ARMH4: variants seen among roughly 807,000 people sequenced by gnomAD.
The protein encoded by ARMH4 is armadillo-like helical domain-containing protein 4.
ARMH4 carries 49 observed loss-of-function variants against 61.9 expected under a neutral mutation model. That is an observed-to-expected ratio of 0.79 (90% CI 0.63 to 1.00). The LOEUF is 1.00. ARMH4 is among the 50% of genes least tolerant of loss of function. The pLI is 0.00. For synonymous variants in ARMH4, 368 were observed against 341.5 expected, an observed-to-expected ratio of 1.08 and a Z score of -0.85; for missense variants, 934 against 930.0, an observed-to-expected ratio of 1.00 and a Z score of -0.06.
At chr14:58,134,582 T>G (rs1384732486) in intron 2 of ARMH4, among the ~76,000 whole-genome samples, 1 of 152,182 alleles carries the variant, frequency 6.6e-6, no homozygotes, top group Non-Finnish European at 1.5e-5. Flanking sequence ...TTCTAGATAC[T>G]AAGTATTTTA....
intron 2 of ARMH4, among the ~76,000 whole-genome samples, chr14:58,134,289 T>G (rs576476645): frequency 1.3e-5 from 2 of 152,206 alleles, no homozygotes; most frequent in Admixed American, 1.3e-4. Flanking sequence ...TGCTTTCAGA[T>G]CAGAAAAGGA....
At chr14:58,132,660 C>CCTG (rs1887153002) in intron 3 of ARMH4, among the ~76,000 whole-genome samples, 1 of 146,580 alleles carries the variant, frequency 6.8e-6, no homozygotes, top group Non-Finnish European at 1.5e-5. Context: ...ATCTCCGCTC[C>CCTG]CTGCAAGCTC....
At chr14:58,008,394 C>T (rs974433402) in intron 6 of ARMH4, among the ~76,000 whole-genome samples, 16 of 152,184 alleles carry the variant, frequency 1.1e-4, no homozygotes, top group African/African-American at 3.6e-4. Context: ...AAATTATTTC[C>T]AAATAAAGTT....
In ARMH4 at chr14:58,138,210, C is replaced by T. The variant is rs781168585; in HGVS notation, c.1149G>A (p.Ala383=). The change falls in exon 2 of 8, where the codon GCG becomes GCA. Residue 383 remains alanine, a synonymous_variant. Coordinates refer to ENST00000267485, the MANE Select transcript of ARMH4 (RefSeq NM_001001872.4). ...AAGCAGGTGATCTCTCATTCCCATGCGCTATTAGCAGGGCTGTGCCCGTGT... is the reference window on the plus strand; with the variant it reads ...AAGCAGGTGATCTCTCATTCCCATGTGCTATTAGCAGGGCTGTGCCCGTGT... ...ETHTGTALLI[A]HGNERSPAFT... 23 of 1,614,046 alleles carry T rather than the reference C, an allele frequency of 1.4e-5. No individual in the cohort carries two copies. Among genetic ancestry groups the T allele is most frequent in the Admixed American group, 1.3e-4 (8 of 59,998 alleles).
intron 5 of ARMH4, among the ~76,000 whole-genome samples, chr14:58,069,921 AAC>A (rs1884828574): frequency 6.6e-6 from 1 of 152,198 alleles, no homozygotes; most frequent in African/African-American, 2.4e-5. Context: ...GATATCTCTG[AAC>A]ACAGTGTGGA....
At chr14:58,014,790 C>G (rs1882543307) in intron 5 of ARMH4, among the ~76,000 whole-genome samples, 1 of 152,236 alleles carries the variant, frequency 6.6e-6, no homozygotes, top group Admixed American at 6.5e-5. Flanking sequence ...TGACAAGCAG[C>G]AATGTAGGGA....
intron 1 of ARMH4, among the ~76,000 whole-genome samples, chr14:58,146,006 C>A (rs1318631046): frequency 6.6e-6 from 1 of 152,244 alleles, no homozygotes; most frequent in African/African-American, 2.4e-5. Context: ...ATGGGAGTTA[C>A]ATGATGCTCA....
At position 58,079,306 on chromosome 14, in the gene ARMH4, G is replaced by A. The variant is rs145497103; in HGVS notation, c.2089+17418C>T. ...GTACACAAGCATGGTACTCGCATCT[G>A]GCAAGAGCCTTCATGCTGCATCATC... On this transcript the variant is annotated intron_variant, in intron 5 of 7. Transcript: ENST00000267485. 1.2e-4 allele frequency among the ~76,000 whole-genome samples: 19 copies of A among 152,304 alleles called. No homozygotes were observed. The East Asian group carries it at 3.7e-3, about 29-fold the overall frequency.
chr14:58,061,734 G>A (rs140367137), intron 5 of ARMH4, among the ~76,000 whole-genome samples: 3 of 152,244 alleles, frequency 2.0e-5, no homozygotes, highest in Non-Finnish European at 4.4e-5. Flanking sequence ...GTCGTGTCAG[G>A]GAAAAGGGAG....
At chr14:58,140,391 G>C (rs1887493972) in intron 1 of ARMH4, among the ~76,000 whole-genome samples, 1 of 151,872 alleles carries the variant, frequency 6.6e-6, no homozygotes, top group Non-Finnish European at 1.5e-5. Context: ...GACAAGCCTG[G>C]CCAACATGGT....
intron 2 of ARMH4, 96 bp downstream of exon 2, chr14:58,137,894 C>G: frequency 7.9e-7 from 1 of 1,260,844 alleles, no homozygotes; most frequent in South Asian, 1.6e-5. Context: ...GCCTGCTTTT[C>G]ATTAAAACTT....
intron 4 of ARMH4, among the ~76,000 whole-genome samples, chr14:58,124,329 C>A (rs182792770): frequency 6.6e-6 from 1 of 152,316 alleles, no homozygotes; most frequent in East Asian, 1.9e-4. Flanking sequence ...GGAGTCCTTA[C>A]ACAGATCCAA....
intron 4 of ARMH4, among the ~76,000 whole-genome samples, chr14:58,121,113 A>G (rs1035936399): frequency 2.6e-5 from 4 of 152,202 alleles, no homozygotes; most frequent in African/African-American, 9.6e-5. Context: ...TGTTTTGTAG[A>G]TATCTATCTT....
chr14:58,139,229 T>C lies in ARMH4; in HGVS notation c.130A>G (p.Lys44Glu). The C allele has an allele frequency of 6.2e-7, 1 of 1,614,254 alleles. No homozygotes were observed. Among genetic ancestry groups the C allele is most frequent in the South Asian group, 1.1e-5 (1 of 91,080 alleles). The change falls in exon 2 of 8, where the codon AAA (lysine) becomes GAA (glutamate). Residue 44 changes from lysine (K) to glutamate (E), a missense_variant. Lys to Glu is a moderately conservative substitution (Grantham distance 56). Coordinates refer to ENST00000267485, the MANE Select transcript of ARMH4 (RefSeq NM_001001872.4). ...GTGTTCATCTTATCGGACTGCCCTT[T>C]TTCCGCATGAACATGTGCTATCTCC... is the stretch of plus-strand genomic sequence containing the variant. ...RREIAHVHAE[K>E]GQSDKMNTDD...
At chr14:58,017,707 A>C (rs1882666069) in intron 5 of ARMH4, among the ~76,000 whole-genome samples, 1 of 152,248 alleles carries the variant, frequency 6.6e-6, no homozygotes, top group South Asian at 2.1e-4. Flanking sequence ...ATAATCAAAA[A>C]CCATCTACAT....
At chr14:58,111,172 T>C (rs1475380431) in intron 4 of ARMH4, among the ~76,000 whole-genome samples, 13 of 152,228 alleles carry the variant, frequency 8.5e-5, no homozygotes, top group Non-Finnish European at 1.0e-4. Flanking sequence ...GGAATGCTTT[T>C]GTCTCAAATT....
At chr14:58,019,494 G>A (rs1016337955) in intron 5 of ARMH4, among the ~76,000 whole-genome samples, 18 of 152,038 alleles carry the variant, frequency 1.2e-4, no homozygotes, top group African/African-American at 3.9e-4. Flanking sequence ...TTGTGTATAC[G>A]AGTCCCAGGT....
intron 4 of ARMH4, among the ~76,000 whole-genome samples, chr14:58,114,739 T>C (rs1886464750): frequency 6.6e-6 from 1 of 152,144 alleles, no homozygotes; most frequent in Non-Finnish European, 1.5e-5. Flanking sequence ...AAATCTGAAA[T>C]GTTATTATTA....
intron 5 of ARMH4, among the ~76,000 whole-genome samples, chr14:58,036,558 A>G (rs1262830787): frequency 0.016 from 1,475 of 93,566 alleles, 61 homozygotes; most frequent in African/African-American, 0.056. Flanking sequence ...CAGGGCAATC[A>G]GGCAGGAGAA....
Sources: allele counts gnomAD v4.1 joint callset (sites outside exome capture counted in the v4.1 genomes callset), GRCh38; gene constraint gnomAD v4.1.1; transcripts MANE v1.5; gene names NCBI Gene and HGNC (gene_info 2026-07-23, HGNC 2026-07-21).